The following ST14 variants were observed in gnomAD, a reference collection of about 807,000 sequenced individuals.
The protein encoded by ST14 is suppressor of tumorigenicity 14 protein.
In ST14, 40 loss-of-function variants were observed where a neutral mutation model predicts 96.5. The observed-to-expected ratio is 0.41, with a 90% confidence interval of 0.32 to 0.54. The LOEUF (loss-of-function observed/expected upper bound fraction) is 0.54, where lower values mean the gene tolerates loss of function less well. Ranked by LOEUF, ST14 falls within the 20% of genes least tolerant of loss-of-function variation. The pLI is 0.17. For missense variants in ST14, 1,066 were observed against 1,188.9 expected (o/e 0.90, Z 1.52); for synonymous variants, 506 against 492.1 (o/e 1.03, Z -0.37).
rs565161024 is a variant in ST14 at position 130,176,328 on chromosome 11, G to T, written c.82-11786G>T. On this transcript the variant is annotated intron_variant, in intron 1 of 18. Coordinates refer to ENST00000278742, the MANE Select transcript of ST14 (RefSeq NM_021978.4). ...TGCAGGGGGTTCCCTTGGTCCCAGG[G>T]GTTCCTCCTTAAAAGTTACCCCTGA... Among the ~76,000 whole-genome samples, 9 of 151,728 alleles carry T rather than the reference G, an allele frequency of 5.9e-5. No homozygotes were observed. In the East Asian group the frequency reaches 1.5e-3, roughly 26 times the overall value.
At chr11:130,198,924 C>G in intron 14 of ST14, 23 bp from the exon 15 acceptor site, 3 of 1,613,692 alleles carry the variant, frequency 1.9e-6, no homozygotes, top group Non-Finnish European at 2.5e-6. Context: ...TTGAGCCCCT[C>G]CCTTGTCCTC....
chr11:130,190,307 C>G (rs1953283649), intron 6 of ST14, 147 bp from the exon 7 acceptor site: 1 of 1,484,294 alleles, frequency 6.7e-7, no homozygotes. Flanking sequence ...CTGAGAAGCC[C>G]CCTTCCTGAT....
Position 130,189,830 on chromosome 11 carries a change from G to T in ST14, c.532G>T (p.Val178Leu). ...EAERVMAEER[V>L]VMLPPRARSL... ...CGAGCGCGTCATGGCCGAGGAGCGC[G>T]TAGTCATGCTGCCCCCGCGGGCGCG... The change falls in exon 5 of 19, where the codon GTA becomes TTA. Residue 178 changes from valine (V) to leucine (L), a missense_variant. Physicochemically the swap from Val to Leu is conservative, Grantham distance 32. Transcript: ENST00000278742. 6.2e-7 allele frequency: 1 copy of T among 1,613,908 alleles called. No individual in the cohort carries two copies. Among genetic ancestry groups the T allele is most frequent in the Non-Finnish European group, 8.5e-7 (1 of 1,179,936 alleles).
chr11:130,185,249 G>C (rs190632677), intron 1 of ST14, among the ~76,000 whole-genome samples: 10 of 152,182 alleles, frequency 6.6e-5, no homozygotes, highest in Admixed American at 6.5e-4. Flanking sequence ...TTAAAATTTT[G>C]ATACCAAAAA....
rs1022966361 is a variant in ST14 at position 130,189,209 on chromosome 11, G to A, written c.440+270G>A. The A allele has an allele frequency of 5.3e-6, 3 of 566,340 alleles. 1 individual carries two copies. The South Asian group carries it at 6.1e-5, about 11-fold the overall frequency. 35.1% of individuals were successfully genotyped at this position (566,340 alleles called of 1,614,324 possible). A position where few individuals can be genotyped will look rare whatever the true frequency, so the allele number is the denominator to read the frequency against. On this transcript the variant is annotated intron_variant, in intron 4 of 18. Coordinates refer to ENST00000278742, the MANE Select transcript of ST14 (RefSeq NM_021978.4). ...ATGCCAGGAACGGCTGTGATTCTTT[G>A]TTGTTTTTCCAAATTTGGGTATGGG...
In ST14 at chr11:130,188,950, A is replaced by C. The variant is rs1473168499; in HGVS notation, c.440+11A>C. The C allele has an allele frequency of 3.1e-6, 5 of 1,606,436 alleles. No homozygotes were observed. The highest frequency in any genetic ancestry group is 4.2e-6 in the Non-Finnish European group (5 of 1,177,038). On this transcript the variant is annotated intron_variant, in intron 4 of 18. Coordinates refer to ENST00000278742, the MANE Select transcript of ST14 (RefSeq NM_021978.4). The surrounding 1 kb of genome is among the most constrained non-coding windows in gnomAD (Gnocchi z 5.4). ...TGTGACGGCCTTCAGGTGGGTGTGG[A>C]GAGAAGGCTCAGTGGGATGCACCCC...
In ST14 at chr11:130,196,406, C is replaced by T. The variant is rs774611637; in HGVS notation, c.1181C>T (p.Ala394Val). Residue 394 changes from alanine to valine, a missense_variant, in exon 10 of 19, where the codon GCG (alanine) becomes GTG (valine). By Grantham distance (64) the Ala-to-Val change is moderately conservative. Transcript: ENST00000278742. ...TACCTGCTGGAGCCCGGCGTGCCTG[C>T]GGGCACCTGCCCCAAGGACTACGTG... ...FFYLLEPGVP[A>V]GTCPKDYVEI... 23 of 1,610,050 alleles carry T rather than the reference C, an allele frequency of 1.4e-5. No homozygotes were observed. Among genetic ancestry groups the T allele is most frequent in the South Asian group, 5.5e-5 (5 of 90,112 alleles).
Position 130,194,249 on chromosome 11 carries a change from G to A in ST14, c.976G>A (p.Gly326Ser), listed in dbSNP as rs141248631. 1.9e-6 allele frequency: 3 copies of A among 1,614,126 alleles called. No homozygotes were observed. Among genetic ancestry groups the A allele is most frequent in the African/African-American group, 2.7e-5 (2 of 74,938 alleles). ...LITNTERRHP[G>S]FEATFFQLPR... ...AACCAACACTGAGCGGCGGCATCCC[G>A]GCTTTGAGGCCACCTTCTTCCAGCT... The change falls in exon 8 of 19, where the codon GGC becomes AGC. Residue 326 changes from glycine (G) to serine (S), a missense_variant. Transcript: ENST00000278742.
chr11:130,182,001 T>C (rs1012030714), intron 1 of ST14, among the ~76,000 whole-genome samples: 1 of 152,192 alleles, frequency 6.6e-6, no homozygotes, highest in Non-Finnish European at 1.5e-5. Flanking sequence ...CCTTACCCCT[T>C]CTCATGGGAG....
intron 4 of ST14, 53 bp from the exon 5 acceptor site, chr11:130,189,686 C>T (rs781577716): frequency 1.7e-5 from 28 of 1,600,170 alleles, no homozygotes; most frequent in South Asian, 1.2e-4. Flanking sequence ...TCTGGGCGCA[C>T]GTGGGGGAAA....
At chr11:130,198,218 G>A (rs1953388479) in intron 12 of ST14, 90 bp from the exon 13 acceptor site, 10 of 1,251,142 alleles carry the variant, frequency 8.0e-6, no homozygotes, top group East Asian at 2.3e-5. Flanking sequence ...ATCAGAAAGC[G>A]GTCCCCAGGT....
Position 130,196,355 on chromosome 11 carries a change from A to G in ST14, c.1130A>G (p.His377Arg), listed in dbSNP as rs1482062906. The G allele has an allele frequency of 2.5e-6, 4 of 1,597,970 alleles. No individual in the cohort carries two copies. Among genetic ancestry groups the G allele is most frequent in the South Asian group, 1.1e-5 (1 of 87,918 alleles). Residue 377 changes from histidine to arginine, a missense_variant, in exon 10 of 19, where the codon CAT becomes CGT. Coordinates refer to ENST00000278742, the MANE Select transcript of ST14 (RefSeq NM_021978.4). ...TWNIEVPNNQ[H>R]VKVRFKFFYL... Reference sequence around the variant, plus strand: ...TTCCCTCAGGTGCCCAACAACCAGCATGTGAAGGTGCGCTTCAAATTCTTC... The same window carrying G: ...TTCCCTCAGGTGCCCAACAACCAGCGTGTGAAGGTGCGCTTCAAATTCTTC...
intron 1 of ST14, among the ~76,000 whole-genome samples, chr11:130,186,037 A>T (rs1367349136): frequency 1.3e-5 from 2 of 152,120 alleles, no homozygotes; most frequent in African/African-American, 4.8e-5. Context: ...CGAACTCCCG[A>T]CCTCAGATGA....
intron 1 of ST14, among the ~76,000 whole-genome samples, chr11:130,180,401 G>T (rs1310715611): frequency 4.6e-5 from 7 of 152,204 alleles, no homozygotes; most frequent in African/African-American, 1.2e-4. Context: ...AAAGGGTCTG[G>T]CCCGAAGCTT....
chr11:130,193,245 G>A lies in ST14; in HGVS notation c.876-904G>A, dbSNP rs114202929. ...TGGGACTGCAGGCAAGCGCCACCAT[G>A]CCCAGCTAGTTTTTTTGATTATGGA... On this transcript the variant is annotated intron_variant, in intron 7 of 18. Coordinates refer to ENST00000278742, the MANE Select transcript of ST14 (RefSeq NM_021978.4). Among the ~76,000 whole-genome samples the A allele has an allele frequency of 8.4e-3, 1,282 of 152,104 alleles. 24 individuals carry two copies. The highest frequency in any genetic ancestry group is 0.029 in the African/African-American group (1,202 of 41,488).
chr11:130,194,705 C>T lies in ST14; in HGVS notation c.1081C>T (p.Pro361Ser). ...CAGCCCCTACTACCCAGGCCACTAC[C>T]CACCCAACATTGACTGCACATGGAA... ...FNSPYYPGHY[P>S]PNIDCTWNIE... is the part of the protein sequence containing the mutation. Residue 361 changes from proline to serine, a missense_variant, in exon 9 of 19, where the codon CCA becomes TCA. Transcript: ENST00000278742. The T allele has an allele frequency of 6.2e-7, 1 of 1,614,182 alleles. No individual in the cohort carries two copies. The highest frequency in any genetic ancestry group is 2.2e-5 in the East Asian group (1 of 44,892).
At chr11:130,189,231 T>C (rs1953269568) in intron 4 of ST14, 2 of 532,506 alleles carry the variant, frequency 3.8e-6, no homozygotes, top group South Asian at 4.1e-5. Flanking sequence ...AATTTGGGTA[T>C]GGGGGAGTTG....
At position 130,194,144 on chromosome 11, in the gene ST14, C is replaced by G. The variant is rs76687780; in HGVS notation, c.876-5C>G. On this transcript the variant is annotated splice_region_variant and splice_polypyrimidine_tract_variant and intron_variant, in intron 7 of 18. Transcript: ENST00000278742. ...CTTCCTAATGCCCGCCCTCTGCCCC[C>G]ACAGGTTGTGTGGCACCTACCCTCC... The G allele has an allele frequency of 1.9e-4, 303 of 1,614,218 alleles. 2 individuals are homozygous for G. In the East Asian group the frequency reaches 5.9e-3, roughly 32 times the overall value.
At chr11:130,195,577 G>C (rs1056013512) in intron 9 of ST14, among the ~76,000 whole-genome samples, 1 of 152,112 alleles carries the variant, frequency 6.6e-6, no homozygotes, top group African/African-American at 2.4e-5. Flanking sequence ...CAGGAGGGCC[G>C]GGCGCAGTGG....
Sources: gnomAD v4.1 joint callset for allele counts (sites outside exome capture counted in the v4.1 genomes callset) on GRCh38, gnomAD v4.1.1 for gene constraint, Gnocchi (gnomAD v3.1) non-coding constraint, MANE v1.5 for transcripts, NCBI Gene and HGNC (gene_info 2026-07-23, HGNC 2026-07-21) for gene names.